The following ANK2 variants were observed in gnomAD, a reference collection of about 807,000 sequenced individuals.
ANK2 encodes ankyrin-2.
Under a neutral mutation model 360.5 loss-of-function variants are expected in ANK2, and 83 were observed. The ratio of observed to expected loss-of-function variants is 0.23; its 90% CI spans 0.19 to 0.28. ANK2 has a LOEUF of 0.28. ANK2 is among the 10% of genes least tolerant of loss of function. The pLI is 1.00. For missense variants in ANK2, 4,201 were observed against 4,795.7 expected, an observed-to-expected ratio of 0.88 and a Z score of 3.66; for synonymous variants, 1,740 against 1,759.5, an observed-to-expected ratio of 0.99 and a Z score of 0.28.
upstream of ANK2, among the ~76,000 whole-genome samples, chr4:113,048,418 C>G (rs1342609854): frequency 7.2e-6 from 1 of 139,226 alleles, no homozygotes; most frequent in Non-Finnish European, 1.5e-5. Context: ...CCAGCCTCCC[C>G]ACACCTGGCT....
intron 2 of ANK2, among the ~76,000 whole-genome samples, chr4:113,015,972 TAAA>T (rs2056499657): frequency 6.6e-6 from 1 of 152,180 alleles, no homozygotes; most frequent in African/African-American, 2.4e-5. Context: ...AAGAAAGATG[TAAA>T]ACCATTTGAG....
At chr4:113,038,607 AC>A (rs2154310746) in intron 2 of ANK2, among the ~76,000 whole-genome samples, 1 of 151,872 alleles carries the variant, frequency 6.6e-6, no homozygotes, top group South Asian at 2.1e-4. Flanking sequence ...CTACCCCTCA[AC>A]AAGAGGTGGC....
At position 113,032,491 on chromosome 4, in the gene ANK2, G is replaced by C. The variant is rs144619395; in HGVS notation, c.21+127977G>C. Among the ~76,000 whole-genome samples, 12 of 152,122 alleles carry C rather than the reference G, an allele frequency of 7.9e-5. No homozygotes were observed. In the East Asian group the frequency reaches 2.3e-3, roughly 29 times the overall value. ...TACAGGGGGATTCCATGAGGAGAGG[G>C]TAAACCCTTAAATTTCCGAGTCTGG... On this transcript the variant is annotated intron_variant, in intron 2 of 30. Coordinates refer to the ANK2 transcript ENST00000503271.
At chr4:113,016,029 A>T (rs980969428) in intron 2 of ANK2, among the ~76,000 whole-genome samples, 109 of 150,936 alleles carry the variant, frequency 7.2e-4, no homozygotes, top group African/African-American at 2.2e-4. Context: ...TTTTTCAAAA[A>T]TTTTTTTTTT....
Position 112,954,074 on chromosome 4 carries a change from A to G in ANK2, c.21+49560A>G, listed in dbSNP as rs978096036. Among the ~76,000 whole-genome samples, 6 of 152,196 alleles carry G rather than the reference A, an allele frequency of 3.9e-5. No homozygotes were observed. The East Asian group carries it at 1.2e-3, about 29-fold the overall frequency. On this transcript the variant is annotated intron_variant, in intron 2 of 30. Transcript: ENST00000503271. ...CTATTTTAAACTCAAACAAGATTTT[A>G]GTACCTAATGGTCATCACTGTGTGA...
the ANK2 span, among the ~76,000 whole-genome samples, chr4:112,765,742 G>A: frequency 7.1e-6 from 1 of 141,734 alleles, no homozygotes; most frequent in African/African-American, 2.6e-5. Flanking sequence ...CTAACTCTGT[G>A]TTGTCAGGGT....
chr4:113,302,128 G>A (rs148101616), intron 22 of ANK2, among the ~76,000 whole-genome samples: 166 of 152,268 alleles, frequency 1.1e-3, no homozygotes, highest in South Asian at 1.9e-3. Context: ...TTTAACCCAG[G>A]CAGCTAGACT....
At chr4:112,898,220 G>A (rs529898314) in intron 1 of ANK2, among the ~76,000 whole-genome samples, 42 of 152,090 alleles carry the variant, frequency 2.8e-4, no homozygotes, top group South Asian at 1.2e-3. Flanking sequence ...TAAAGTTATC[G>A]TGTTATTATT....
intron 1 of ANK2, among the ~76,000 whole-genome samples, chr4:112,871,078 G>A (rs1435924658): frequency 1.3e-5 from 2 of 152,152 alleles, no homozygotes; most frequent in East Asian, 3.9e-4. Flanking sequence ...AAATGGAATA[G>A]TTTTATTAAT....
At chr4:113,314,422 T>C (rs2081701035) in intron 24 of ANK2, among the ~76,000 whole-genome samples, 1 of 152,174 alleles carries the variant, frequency 6.6e-6, no homozygotes, top group South Asian at 2.1e-4. Flanking sequence ...CATAAAGCAG[T>C]TGTACCGTAG....
At chr4:113,164,971 A>G (rs1223778737) in intron 1 of ANK2, among the ~76,000 whole-genome samples, 2 of 152,212 alleles carry the variant, frequency 1.3e-5, no homozygotes, top group East Asian at 3.8e-4. Context: ...CTCTCGACCC[A>G]AATGTTGTTA....
chr4:113,154,950 C>A (rs1054822445), intron 1 of ANK2, among the ~76,000 whole-genome samples: 1 of 152,216 alleles, frequency 6.6e-6, no homozygotes, highest in South Asian at 2.1e-4. Context: ...ACCACTTCAT[C>A]TGGCATTGGG....
chr4:113,239,808 C>T (rs1346840512), intron 7 of ANK2, among the ~76,000 whole-genome samples: 1 of 152,032 alleles, frequency 6.6e-6, no homozygotes, highest in African/African-American at 2.4e-5. Context: ...GTTTAACATT[C>T]AAAATTGGAG....
intron 2 of ANK2, 88 bp from the exon 3 acceptor site, chr4:113,196,280 G>A: frequency 1.0e-6 from 1 of 985,592 alleles, no homozygotes; most frequent in Non-Finnish European, 1.6e-6. Context: ...GAGTCTGTCT[G>A]TTCTCTGGGT....
At chr4:113,117,159 G>T (rs774976599) in intron 1 of ANK2, 1 of 386,496 alleles carries the variant, frequency 2.6e-6, no homozygotes, top group East Asian at 7.2e-5. Context: ...GGATTATCTT[G>T]TGAGTGTTCT....
At chr4:113,097,108 T>TTTTTTTTTTTTG (rs1268458498) in intron 1 of ANK2, among the ~76,000 whole-genome samples, 1 of 147,482 alleles carries the variant, frequency 6.8e-6, no homozygotes. Flanking sequence ...TTTCCTTTTT[T>TTTTTTTTTTTTG]ATATCATTAG....
At chr4:112,903,816 A>G (rs535603000) in intron 1 of ANK2, among the ~76,000 whole-genome samples, 1 of 152,322 alleles carries the variant, frequency 6.6e-6, no homozygotes, top group East Asian at 1.9e-4. Flanking sequence ...GGCATTTACA[A>G]TGCTGGTCAG....
rs1478641697 is a variant in ANK2 at position 113,355,471 on chromosome 4, A to G, written c.6853A>G (p.Ile2285Val). 6.2e-7 allele frequency: 1 copy of G among 1,613,908 alleles called. No individual in the cohort carries two copies. Among genetic ancestry groups the G allele is most frequent in the African/African-American group, 1.3e-5 (1 of 74,910 alleles). ...AAAAGAGCATCCCACGACCAAAGAC[A>G]TTACTGGTGGCTCTGAAGAGCGAGG... ...SEKEHPTTKD[I>V]TGGSEERGAT... Residue 2285 changes from isoleucine (I) to valine (V), a missense_variant, in exon 38 of 46, where the codon ATT becomes GTT. Around this residue, in one of 4 missense-constraint regions of ANK2, gnomAD observed 2,642 missense variants for 2,714.5 expected, o/e 0.97. Transcript: ENST00000357077.
At chr4:113,002,364 A>G (rs2051063953) in intron 2 of ANK2, among the ~76,000 whole-genome samples, 1 of 152,248 alleles carries the variant, frequency 6.6e-6, no homozygotes, top group Non-Finnish European at 1.5e-5. Context: ...TGTATACACC[A>G]TGGAATACTA....
Sources: allele counts gnomAD v4.1 joint callset (sites outside exome capture counted in the v4.1 genomes callset), GRCh38; gene constraint gnomAD v4.1.1; regional missense constraint gnomAD v4.1.1; transcripts MANE v1.5; gene names NCBI Gene and HGNC (gene_info 2026-07-23, HGNC 2026-07-21).